Variants in USP9X observed in about 807,000 individuals in gnomAD.
The protein encoded by USP9X is ubiquitin carboxyl-terminal hydrolase 9X.
A neutral mutation model predicts 190.3 loss-of-function variants in USP9X; 7 were observed. That is an observed-to-expected ratio of 0.04 (90% CI 0.02 to 0.07). USP9X has a LOEUF of 0.07. Ranked by LOEUF, USP9X falls within the 10% of genes least tolerant of loss-of-function variation. USP9X has a pLI of 1.00. For synonymous variants in USP9X, 645 were observed against 659.5 expected (o/e 0.98, Z 0.34); for missense variants, 1,010 against 1,916.9 (o/e 0.53, Z 8.83).
chrX:41,148,425 T>C lies in USP9X; in HGVS notation c.1476T>C (p.Arg492=). 8.3e-7 allele frequency: 1 copy of C among 1,211,826 alleles called. No homozygotes were observed. The highest frequency in any genetic ancestry group is 1.1e-6 in the Non-Finnish European group (1 of 895,564). ...KQREKLLELI[R]RLAEDDKDGV... ...GTGAAAAGCTACTTGAGCTGATACG[T>C]CGTCTTGCAGAAGATGATAAAGATG... The change falls in exon 12 of 45, where the codon CGT becomes CGC. Residue 492 remains arginine (R), a synonymous_variant. Transcript: ENST00000378308.
chrX:41,139,731 C>T (rs981459607), intron 6 of USP9X, among the ~76,000 whole-genome samples: 1 of 112,110 alleles, frequency 8.9e-6, no homozygotes, highest in African/African-American at 3.2e-5. Flanking sequence ...ATTGAACATA[C>T]AGCCATTTAG....
At position 41,223,413 on chromosome X, in the gene USP9X, A is replaced by G; in HGVS notation, c.6751+11A>G. On this transcript the variant is annotated intron_variant, in intron 39 of 44. Coordinates refer to ENST00000378308, the MANE Select transcript of USP9X (RefSeq NM_001039591.3). ...AGTCTTCAATCAATGGTAAATTTGA[A>G]TGCTCCATTCTTTACACTAGTTTTG... The G allele has an allele frequency of 8.3e-7, 1 of 1,205,130 alleles. No individual in the cohort carries two copies. The highest frequency in any genetic ancestry group is 1.8e-5 in the South Asian group (1 of 56,686).
rs1272645926 is a variant in USP9X, at chrX:41,168,080, T to G, written c.2498T>G (p.Leu833Trp). The G allele has an allele frequency of 8.3e-7, 1 of 1,211,776 alleles. No homozygotes were observed. Among genetic ancestry groups the G allele is most frequent in the East Asian group, 3.0e-5 (1 of 33,828 alleles). ...GCTTCCTATGACACATTGTGTGTTT[T>G]GGATGGTGACAAAGACAGTGTTAAT... ...LKASYDTLCV[L>W]DGDKDSVNCA... The change falls in exon 18 of 45, where the codon TTG becomes TGG. Residue 833 changes from leucine (L) to tryptophan (W), a missense_variant. Physicochemically the swap from Leu to Trp is moderately conservative, Grantham distance 61. Around this residue, in one of 11 missense-constraint regions of USP9X, gnomAD observed 104 missense variants for 239.8 expected, o/e 0.43. Coordinates refer to ENST00000378308, the MANE Select transcript of USP9X (RefSeq NM_001039591.3).
intron 6 of USP9X, 49 bp downstream of exon 6, chrX:41,137,071 C>A: frequency 9.4e-7 from 1 of 1,069,052 alleles, no homozygotes; most frequent in Non-Finnish European, 1.3e-6. Context: ...TTGTTTTGTT[C>A]TGACACAGAA....
At chrX:41,113,683 C>T (rs1365267734) in intron 1 of USP9X, among the ~76,000 whole-genome samples, 2 of 110,836 alleles carry the variant, frequency 1.8e-5, no homozygotes, top group Non-Finnish European at 3.8e-5. Flanking sequence ...TCCACTTTCA[C>T]TGCAGATTTT....
chrX:41,123,805 G>A, intron 2 of USP9X, 81 bp downstream of exon 2: 1 of 936,702 alleles, frequency 1.1e-6, no homozygotes, highest in Non-Finnish European at 1.5e-6. Flanking sequence ...CACTTTGGGA[G>A]GTTGAGGCAG....
chrX:41,089,906 T>G (rs921559685), intron 1 of USP9X, among the ~76,000 whole-genome samples: 6 of 55,305 alleles, frequency 1.1e-4, no homozygotes, highest in African/African-American at 4.3e-4. Flanking sequence ...TATGAGGGTT[T>G]TTTTTTTTTT....
In USP9X at chrX:41,134,873, A is replaced by G. The variant is rs183001569; in HGVS notation, c.435+36A>G. On this transcript the variant is annotated intron_variant, in intron 5 of 44. Coordinates refer to ENST00000378308, the MANE Select transcript of USP9X (RefSeq NM_001039591.3). ...CATTTGACTTTAAAGGATCAGATTT[A>G]CATAGTGATGCCTGTGAGTGGGAAG... 107 of 1,047,482 alleles carry G rather than the reference A, an allele frequency of 1.0e-4. 2 individuals are homozygous for G. In the East Asian group the frequency reaches 1.4e-3, roughly 14 times the overall value. The allele number at this position is 1,047,482 out of a possible 1,213,427, so 86.3% of individuals were successfully genotyped here. A position where few individuals can be genotyped will look rare whatever the true frequency, so the allele number is the denominator to read the frequency against.
chrX:41,186,994 C>T (rs1240392284), intron 24 of USP9X, among the ~76,000 whole-genome samples: 4 of 107,960 alleles, frequency 3.7e-5, no homozygotes, highest in South Asian at 4.1e-4. Context: ...CCCCCATGCC[C>T]GGCTATTTTT....
intron 16 of USP9X, among the ~76,000 whole-genome samples, chrX:41,166,901 G>A (rs1212147090): frequency 9.0e-6 from 1 of 111,720 alleles, no homozygotes; most frequent in African/African-American, 3.3e-5. Context: ...CTCAAAATTT[G>A]CACCACACTA....
rs746792967 is a variant in USP9X at position 41,189,333 on chromosome X, T to G, written c.3835T>G (p.Leu1279Val). The change falls in exon 26 of 45, where the codon TTG becomes GTG. Residue 1279 changes from leucine (L) to valine (V), a missense_variant. Transcript: ENST00000378308. Reference sequence around the variant, plus strand: ...GACCAATGCAGGCAATGAGCCAGACTTGGAAGACGAACAGGTTTGCTGTGA... The same window carrying G: ...GACCAATGCAGGCAATGAGCCAGACGTGGAAGACGAACAGGTTTGCTGTGA... ...EKTNAGNEPD[L>V]EDEQVCCEAL... 5 of 1,209,374 alleles carry G rather than the reference T, an allele frequency of 4.1e-6. No individual in the cohort carries two copies. In the South Asian group the frequency reaches 8.8e-5, roughly 21 times the overall value.
chrX:41,231,790 A>G (rs1049708672), intron 44 of USP9X, among the ~76,000 whole-genome samples: 43 of 110,702 alleles, frequency 3.9e-4, no homozygotes, highest in African/African-American at 1.3e-3. Flanking sequence ...GAGCATGTAC[A>G]GAAAAATGAG....
In USP9X at chrX:41,194,109, C is replaced by T. The variant is rs183939420; in HGVS notation, c.3978-2142C>T. On this transcript the variant is annotated intron_variant, in intron 26 of 44. Coordinates refer to ENST00000378308, the MANE Select transcript of USP9X (RefSeq NM_001039591.3). The stretch of plus-strand genomic sequence containing the variant: ...CCTGACTTTGGTTTACTTGGGTTCC[C>T]CCCAAATTCTACCTCCAAAAATTTT... 3.6e-5 allele frequency among the ~76,000 whole-genome samples: 4 copies of T among 111,948 alleles called. No individual in the cohort carries two copies. In the East Asian group the frequency reaches 1.1e-3, roughly 31 times the overall value.
Position 41,198,627 on chromosome X carries a change from TCAC to T in USP9X, c.4485_4487del (p.Pro1496del). 1 of 1,211,969 alleles carries T rather than the reference TCAC, an allele frequency of 8.3e-7. No individual in the cohort carries two copies. Among genetic ancestry groups the T allele is most frequent in the Non-Finnish European group, 1.1e-6 (1 of 895,432 alleles). On this transcript the variant is annotated inframe_deletion, in exon 30 of 45. Transcript: ENST00000378308. The stretch of plus-strand genomic sequence containing the variant: ...TGAACAGGCTATTCCGGTCTGTGGT[TCAC>T]CACCTACAATTAATGCTGGTTTTGA...
chrX:41,183,758 G>A (rs1202438992), intron 21 of USP9X, among the ~76,000 whole-genome samples: 2 of 111,427 alleles, frequency 1.8e-5, no homozygotes, highest in African/African-American at 3.3e-5. Context: ...AGGTCCCTGA[G>A]TAGCAGATGC....
chrX:41,188,061 G>C lies in USP9X; in HGVS notation c.3754G>C (p.Gly1252Arg), dbSNP rs754686068. Reference protein sequence around the residue: ...IQKIIWASGCGSLQLVFSPNE... With the variant: ...IQKIIWASGCRSLQLVFSPNE... ...AAAAATTATCTGGGCATCAGGATGT[G>C]GGTCGTTACAGCTAGTATTTAGCCC... is the stretch of plus-strand genomic sequence containing the variant. Residue 1252 changes from glycine to arginine, a missense_variant, in exon 25 of 45, where the codon GGG becomes CGG. Around this residue, in one of 11 missense-constraint regions of USP9X, gnomAD observed 351 missense variants for 480.8 expected, o/e 0.73. Coordinates refer to ENST00000378308, the MANE Select transcript of USP9X (RefSeq NM_001039591.3). 8.3e-7 allele frequency: 1 copy of C among 1,207,245 alleles called. No homozygotes were observed. Among genetic ancestry groups the C allele is most frequent in the African/African-American group, 1.8e-5 (1 of 57,136 alleles).
intron 1 of USP9X, among the ~76,000 whole-genome samples, chrX:41,104,803 G>A: frequency 9.0e-6 from 1 of 110,934 alleles, no homozygotes. Flanking sequence ...AAAAAAAAAA[G>A]ATACCTGGAG....
At chrX:41,146,707 TC>T (rs2062468107) in intron 11 of USP9X, among the ~76,000 whole-genome samples, 1 of 20,596 alleles carries the variant, frequency 4.9e-5, no homozygotes, top group Admixed American at 6.7e-4. Flanking sequence ...GTTCCCCCCC[TC>T]CCCCCACCGT....
chrX:41,139,216 A>G (rs185829075), intron 6 of USP9X, among the ~76,000 whole-genome samples: 4 of 112,551 alleles, frequency 3.6e-5, no homozygotes, highest in African/African-American at 6.4e-5. Flanking sequence ...CTGAATGACA[A>G]AAGGGATCTG....
Sources: allele counts gnomAD v4.1 joint callset (sites outside exome capture counted in the v4.1 genomes callset), GRCh38; gene constraint gnomAD v4.1.1; regional missense constraint gnomAD v4.1.1; transcripts MANE v1.5; gene names NCBI Gene and HGNC (gene_info 2026-07-23, HGNC 2026-07-21).